The following GPHN variants were observed in gnomAD, a reference collection of about 807,000 sequenced individuals.
The protein encoded by GPHN is gephyrin.
GPHN carries 17 observed loss-of-function variants against 95.5 expected under a neutral mutation model. The observed-to-expected ratio is 0.18, with a 90% CI of 0.12 to 0.27. The LOEUF (loss-of-function observed/expected upper bound fraction) is 0.27, where lower values mean the gene tolerates loss of function less well. Among genes scored for constraint, GPHN ranks in the 10% least tolerant of loss-of-function variants. The pLI, the probability that GPHN is intolerant of heterozygous loss-of-function variation, is 1.00. For synonymous variants in GPHN, 320 were observed against 322.5 expected (o/e 0.99, Z 0.08); for missense variants, 660 against 978.1 (o/e 0.67, Z 4.34).
chr14:67,516,792 T>C, the GPHN span, among the ~76,000 whole-genome samples: 1 of 152,170 alleles, frequency 6.6e-6, no homozygotes, highest in Non-Finnish European at 1.5e-5. Context: ...GTCAAGCCAT[T>C]TTTCTCAGAA....
intron 3 of GPHN, among the ~76,000 whole-genome samples, chr14:66,815,266 T>A (rs539074579): frequency 6.6e-6 from 1 of 152,306 alleles, no homozygotes; most frequent in Admixed American, 6.5e-5. Context: ...CCATGAGAAC[T>A]TCCCCAACCT....
intron 2 of GPHN, among the ~76,000 whole-genome samples, chr14:66,754,707 A>G (rs2058496055): frequency 6.6e-6 from 1 of 152,036 alleles, no homozygotes; most frequent in Middle Eastern, 3.2e-3. Context: ...TATTGTGCCT[A>G]TACAGAAATT....
At chr14:67,098,634 A>G (rs1394945963) in intron 12 of GPHN, among the ~76,000 whole-genome samples, 2 of 151,920 alleles carry the variant, frequency 1.3e-5, no homozygotes. Flanking sequence ...ATATGATGAA[A>G]CCCCGTCTCT....
intron 2 of GPHN, chr14:66,760,601 A>G: frequency 2.6e-6 from 1 of 388,442 alleles, no homozygotes; most frequent in South Asian, 2.2e-5. Flanking sequence ...GTTCATCCAC[A>G]ATGATTGCAA....
At chr14:67,620,425 G>A in the GPHN span, among the ~76,000 whole-genome samples, 1 of 152,230 alleles carries the variant, frequency 6.6e-6, no homozygotes, top group African/African-American at 2.4e-5. Flanking sequence ...GGGGCTGGAG[G>A]AGGCGAAACT....
intron 17 of GPHN, among the ~76,000 whole-genome samples, chr14:67,135,810 T>C (rs2080045559): frequency 1.3e-5 from 2 of 152,264 alleles, no homozygotes; most frequent in Non-Finnish European, 2.9e-5. Flanking sequence ...TTTATTTCCT[T>C]ATGGAATTCC....
intron 5 of GPHN, among the ~76,000 whole-genome samples, chr14:66,907,501 G>A (rs949270717): frequency 6.6e-6 from 1 of 152,120 alleles, no homozygotes; most frequent in Non-Finnish European, 1.5e-5. Context: ...TAGAAATACG[G>A]AAACATGACA....
At chr14:67,471,485 C>T in the GPHN span, 1 of 152,270 alleles carries the variant, frequency 6.6e-6, no homozygotes, top group East Asian at 1.9e-4. Context: ...TTTTCTCCAC[C>T]TATAGATGGA....
intron 3 of GPHN, among the ~76,000 whole-genome samples, chr14:66,797,833 TGG>T (rs1288764574): frequency 3.6e-4 from 54 of 152,086 alleles, no homozygotes; most frequent in African/African-American, 1.2e-3. Flanking sequence ...CTTGTCTGAC[TGG>T]TCTATCTAGA....
intron 9 of GPHN, among the ~76,000 whole-genome samples, chr14:66,977,861 A>C (rs1325744235): frequency 6.6e-6 from 1 of 152,188 alleles, no homozygotes; most frequent in East Asian, 1.9e-4. Flanking sequence ...CCTATTTTTC[A>C]GATTTGTAGC....
chr14:67,382,202 G>T, the GPHN span, among the ~76,000 whole-genome samples: 1 of 152,000 alleles, frequency 6.6e-6, no homozygotes, highest in African/African-American at 2.4e-5. Flanking sequence ...TTTCTATTCA[G>T]TATCGCAGTG....
chr14:67,535,368 A>G, the GPHN span, among the ~76,000 whole-genome samples: 1 of 124,288 alleles, frequency 8.0e-6, no homozygotes, highest in African/African-American at 3.3e-5. Flanking sequence ...TAGTGAGCAC[A>G]TCTTTTTTTT....
the GPHN span, chr14:67,199,794 C>A: frequency 1.3e-6 from 2 of 1,521,762 alleles, no homozygotes; most frequent in Non-Finnish European, 8.9e-7. Flanking sequence ...TCCTTCCCAC[C>A]CCCAGTGCTG....
intron 4 of GPHN, among the ~76,000 whole-genome samples, chr14:66,837,740 T>C (rs1021885857): frequency 6.6e-6 from 1 of 151,728 alleles, no homozygotes; most frequent in African/African-American, 2.4e-5. Context: ...GTCAGAATTT[T>C]TGCAATTTTG....
chr14:66,917,849 A>G (rs1477287136), intron 6 of GPHN, among the ~76,000 whole-genome samples: 2 of 152,272 alleles, frequency 1.3e-5, no homozygotes, highest in East Asian at 3.9e-4. Context: ...TCAGGGATCA[A>G]AGGTTCATCA....
chr14:66,838,744 T>TTC (rs1180439595), intron 4 of GPHN, among the ~76,000 whole-genome samples: 1 of 152,186 alleles, frequency 6.6e-6, no homozygotes, highest in East Asian at 1.9e-4. Flanking sequence ...GAATATGGAT[T>TTC]TCTCTCTCTG....
chr14:67,680,337 G>C, the GPHN span, among the ~76,000 whole-genome samples: 2 of 152,202 alleles, frequency 1.3e-5, no homozygotes, highest in African/African-American at 4.8e-5. Flanking sequence ...CTCAGCCTTT[G>C]TAAGCCTCTG....
intron 8 of GPHN, among the ~76,000 whole-genome samples, chr14:66,957,094 C>A (rs1303033198): frequency 6.7e-6 from 1 of 148,176 alleles, no homozygotes; most frequent in Non-Finnish European, 1.5e-5. Context: ...TGCACATGTA[C>A]CCTAAAACTT....
At chr14:67,380,156 C>G in the GPHN span, among the ~76,000 whole-genome samples, 28 of 152,182 alleles carry the variant, frequency 1.8e-4, no homozygotes, top group African/African-American at 6.8e-4. Context: ...CTCACTCATT[C>G]AACAAACATG....
Sources: allele counts gnomAD v4.1 joint callset (sites outside exome capture counted in the v4.1 genomes callset), GRCh38; gene constraint gnomAD v4.1.1; transcripts MANE v1.5; gene names NCBI Gene and HGNC (gene_info 2026-07-23, HGNC 2026-07-21).